The following MTRR variants were observed in gnomAD, a reference collection of about 807,000 sequenced individuals.
MTRR encodes the protein 5-methyltetrahydrofolate-homocysteine methyltransferase reductase, also known as methionine synthase reductase.
Under a neutral mutation model 79.2 loss-of-function variants are expected in MTRR, and 63 were observed. The ratio of observed to expected loss-of-function variants is 0.80; its 90% CI spans 0.65 to 0.98. The LOEUF (loss-of-function observed/expected upper bound fraction) is 0.98. Among genes scored for constraint, MTRR ranks in the 50% least tolerant of loss-of-function variants. The pLI, the probability that MTRR is intolerant of heterozygous loss-of-function variation, is 0.00. For synonymous variants in MTRR, 355 were observed against 313.3 expected (o/e 1.13, Z -1.41); for missense variants, 895 against 839.6 (o/e 1.07, Z -0.82).
intron 8 of MTRR, among the ~76,000 whole-genome samples, chr5:7,887,610 G>A (rs142548228): frequency 1.2e-3 from 169 of 144,780 alleles, no homozygotes; most frequent in Non-Finnish European, 1.6e-3. Context: ...TAATCAGCTC[G>A]AGATGTAATT....
chr5:7,857,760 T>C (rs1270220020), intron 1 of MTRR, among the ~76,000 whole-genome samples: 3 of 152,146 alleles, frequency 2.0e-5, no homozygotes, highest in East Asian at 1.9e-4. Context: ...GCTGGAGCAT[T>C]GAGTGTGCCC....
In MTRR at chr5:7,861,544, C is replaced by T. The variant is rs369364073; in HGVS notation, n.392-407C>T. Reference sequence around the variant, plus strand: ...AGATACCGCTGCTTATTAGCCTCAACGAGTCTTGTAATGTGAAAAACACAA... The same window carrying T: ...AGATACCGCTGCTTATTAGCCTCAATGAGTCTTGTAATGTGAAAAACACAA... On this transcript the variant is annotated intron_variant and non_coding_transcript_variant, in intron 1 of 3. Transcript: ENST00000502509. The T allele has an allele frequency of 3.1e-5, 44 of 1,410,722 alleles. No individual in the cohort carries two copies. The South Asian group carries it at 4.6e-4, about 15-fold the overall frequency. 87.4% of individuals were successfully genotyped at this position (1,410,722 alleles called of 1,614,324 possible).
chr5:7,865,812 G>T, upstream of MTRR: 1 of 985,742 alleles, frequency 1.0e-6, no homozygotes, highest in Non-Finnish European at 1.5e-6. Flanking sequence ...GCTTTTTCAG[G>T]TTATTGAGAC....
At chr5:7,875,697 T>C (rs773519005) in intron 4 of MTRR, among the ~76,000 whole-genome samples, 11 of 152,250 alleles carry the variant, frequency 7.2e-5, no homozygotes, top group Non-Finnish European at 1.2e-4. Flanking sequence ...TAATCGTGCA[T>C]GTGCTTCTCT....
chr5:7,851,025 G>C (rs1482024274), upstream of MTRR: 1 of 1,251,518 alleles, frequency 8.0e-7, no homozygotes, highest in Non-Finnish European at 1.0e-6. Context: ...CCTCCATGCC[G>C]CCACCGTCCA....
chr5:7,898,393 C>T (rs116047888), intron 14 of MTRR, among the ~76,000 whole-genome samples: 2,557 of 149,976 alleles, frequency 0.017, 36 homozygotes, highest in Middle Eastern at 0.048. Flanking sequence ...ACTCCTAAAA[C>T]ATTATTCCAG....
intron 7 of MTRR, among the ~76,000 whole-genome samples, chr5:7,886,396 C>G (rs1011104764): frequency 1.3e-5 from 2 of 151,890 alleles, no homozygotes; most frequent in Non-Finnish European, 2.9e-5. Flanking sequence ...TTTTATTTGG[C>G]CTATCTTGAA....
At chr5:7,865,703 C>T (rs1180934882), upstream of MTRR, among the ~76,000 whole-genome samples, 1 of 152,104 alleles carries the variant, frequency 6.6e-6, no homozygotes, top group African/African-American at 2.4e-5. Flanking sequence ...TCTTAAACAG[C>T]AGGAAATTGT....
At chr5:7,862,145 G>C (rs1034564953) in intron 2 of MTRR, 5 of 152,668 alleles carry the variant, frequency 3.3e-5, no homozygotes, top group African/African-American at 9.7e-5. Context: ...GTAAACTGCA[G>C]TTCCCTTCGT....
At chr5:7,857,959 T>C (rs1200291019) in intron 1 of MTRR, among the ~76,000 whole-genome samples, 1 of 152,230 alleles carries the variant, frequency 6.6e-6, no homozygotes, top group Admixed American at 6.5e-5. Flanking sequence ...AGAACGCTCG[T>C]GCTGTATTTT....
In MTRR at chr5:7,873,508, C is replaced by T; in HGVS notation, c.265C>T (p.Leu89=). The change falls in exon 3 of 15, where the codon CTG becomes TTG. Residue 89 remains leucine, a synonymous_variant. Transcript: ENST00000440940. ...QTLPVDFFAH[L]RYGLLGLGDS... ...ACTGCCGGTTGATTTCTTTGCTCAC[C>T]TGCGGTATGGGTTACTGGGTAATGG... is the stretch of plus-strand genomic sequence containing the variant. The T allele has an allele frequency of 6.2e-7, 1 of 1,614,142 alleles. No individual in the cohort carries two copies. The highest frequency in any genetic ancestry group is 8.5e-7 in the Non-Finnish European group (1 of 1,180,014).
At chr5:7,861,760 A>C (rs780927235) in intron 1 of MTRR, 57 of 1,479,740 alleles carry the variant, frequency 3.9e-5, no homozygotes, top group Non-Finnish European at 4.9e-5. Flanking sequence ...TGCATTGATC[A>C]ATTGGACTGA....
intron 2 of MTRR, among the ~76,000 whole-genome samples, chr5:7,872,729 AT>A (rs1276579746): frequency 1.2e-4 from 19 of 152,284 alleles, no homozygotes; most frequent in Admixed American, 5.9e-4. Context: ...TTACCACAGT[AT>A]TCTACTTGTT....
At chr5:7,889,389 C>T (rs1737175474) in intron 9 of MTRR, 114 bp downstream of exon 9, 2 of 1,094,136 alleles carry the variant, frequency 1.8e-6, no homozygotes, top group Non-Finnish European at 2.7e-6. Context: ...TATCCTATGC[C>T]TAAAGAATAT....
intron 1 of MTRR, 94 bp downstream of exon 1, chr5:7,869,309 G>A: frequency 2.0e-6 from 3 of 1,486,324 alleles, no homozygotes; most frequent in Non-Finnish European, 2.8e-6. Context: ...GTGGGCAGCC[G>A]GCTTGCGCCC....
At chr5:7,886,355 C>T (rs1736436761) in intron 7 of MTRR, among the ~76,000 whole-genome samples, 1 of 151,952 alleles carries the variant, frequency 6.6e-6, no homozygotes, top group Admixed American at 6.6e-5. Flanking sequence ...TTTTAGCTTT[C>T]ATTTCCTTAA....
chr5:7,864,570 G>T (rs72716534), upstream of MTRR, among the ~76,000 whole-genome samples: 27,243 of 151,942 alleles, frequency 0.18, 3,211 homozygotes, highest in African/African-American at 0.31. Flanking sequence ...CCATCCAACA[G>T]AAATAAATTA....
At chr5:7,866,597 A>G (rs1746967685), upstream of MTRR, 7 of 1,366,000 alleles carry the variant, frequency 5.1e-6, no homozygotes, top group Non-Finnish European at 7.0e-6. Flanking sequence ...AACCACTGCC[A>G]GTTCAAAGGT....
At chr5:7,879,257 G>T (rs1447010551) in intron 5 of MTRR, among the ~76,000 whole-genome samples, 1 of 152,138 alleles carries the variant, frequency 6.6e-6, no homozygotes, top group East Asian at 1.9e-4. Context: ...GCCTGGACTG[G>T]TGGGAGCAGA....
Sources: gnomAD v4.1 joint callset for allele counts (sites outside exome capture counted in the v4.1 genomes callset) on GRCh38, gnomAD v4.1.1 for gene constraint, MANE v1.5 for transcripts, NCBI Gene and HGNC (gene_info 2026-07-23, HGNC 2026-07-21) for gene names.